CIMAP2: variants seen among roughly 807,000 people sequenced by gnomAD.
The protein encoded by CIMAP2 is ciliary microtubule associated protein 2, also known as ciliary microtubule-associated protein 2.
At chr1:54,839,226 G>A in the CIMAP2 span, among the ~76,000 whole-genome samples, 1 of 152,086 alleles carries the variant, frequency 6.6e-6, no homozygotes, top group Admixed American at 6.5e-5. Flanking sequence ...CATTTTGAGT[G>A]ATGTGTGGGG....
the CIMAP2 span, among the ~76,000 whole-genome samples, chr1:54,840,042 G>A: frequency 4.6e-5 from 7 of 152,270 alleles, no homozygotes; most frequent in African/African-American, 1.4e-4. Flanking sequence ...GAGCCACCAC[G>A]CCCAGCCCAA....
the CIMAP2 span, chr1:54,807,909 C>A: frequency 6.3e-7 from 1 of 1,596,076 alleles, no homozygotes; most frequent in Non-Finnish European, 8.5e-7. Context: ...TGGGCCCCGG[C>A]TCCTACAACC....
At chr1:54,806,160 G>A in the CIMAP2 span, 4 of 1,550,634 alleles carry the variant, frequency 2.6e-6, no homozygotes, top group Non-Finnish European at 3.5e-6. Flanking sequence ...GGCTGGAACC[G>A]CGTCGGCTCC....
chr1:54,813,035 A>G, the CIMAP2 span, among the ~76,000 whole-genome samples: 4 of 152,094 alleles, frequency 2.6e-5, no homozygotes, highest in Non-Finnish European at 4.4e-5. Flanking sequence ...AGACCTCCCC[A>G]TGACCAGCTA....
At chr1:54,821,772 T>G in the CIMAP2 span, among the ~76,000 whole-genome samples, 7 of 152,134 alleles carry the variant, frequency 4.6e-5, no homozygotes, top group Admixed American at 4.6e-4. Flanking sequence ...AATTCACTTC[T>G]CAGTTCTAAG....
chr1:54,837,197 T>C, the CIMAP2 span, among the ~76,000 whole-genome samples: 1 of 152,046 alleles, frequency 6.6e-6, no homozygotes, highest in African/African-American at 2.4e-5. Flanking sequence ...TCCTGTTGCA[T>C]ATTTTGTTCC....
At chr1:54,808,063 G>C in the CIMAP2 span, 3 of 1,476,976 alleles carry the variant, frequency 2.0e-6, no homozygotes, top group Non-Finnish European at 2.7e-6. Flanking sequence ...CATACACTGG[G>C]TGCCCAACAA....
At chr1:54,813,155 A>G in the CIMAP2 span, among the ~76,000 whole-genome samples, 94 of 146,894 alleles carry the variant, frequency 6.4e-4, 1 homozygote, top group African/African-American at 2.3e-3. Context: ...TTTTTTTTTT[A>G]GATCAGTTTC....
the CIMAP2 span, among the ~76,000 whole-genome samples, chr1:54,808,612 C>CGGGGGGGGGGGGGGGG: frequency 1.9e-4 from 13 of 67,320 alleles, 1 homozygote; most frequent in Admixed American, 2.9e-4. Flanking sequence ...CAGGTGCTGC[C>CGGGGGGGGGGGGGGGG]GGGGGAGGGC....
the CIMAP2 span, among the ~76,000 whole-genome samples, chr1:54,837,713 A>C: frequency 6.6e-6 from 1 of 152,126 alleles, no homozygotes; most frequent in Admixed American, 6.5e-5. Context: ...CAAGGGGGAA[A>C]ATGCCACCCC....
the CIMAP2 span, chr1:54,812,259 C>A: frequency 6.3e-7 from 1 of 1,584,802 alleles, no homozygotes; most frequent in African/African-American, 1.3e-5. Context: ...TAGTCAGCAC[C>A]AGGAACACCA....
chr1:54,834,349 A>G, the CIMAP2 span, among the ~76,000 whole-genome samples: 2 of 152,238 alleles, frequency 1.3e-5, no homozygotes, highest in Non-Finnish European at 2.9e-5. Flanking sequence ...ATGAGTCAGT[A>G]CATTAATTAA....
the CIMAP2 span, chr1:54,808,016 G>A: frequency 6.4e-7 from 1 of 1,551,104 alleles, no homozygotes; most frequent in Non-Finnish European, 8.7e-7. Flanking sequence ...ACTGGGGTAG[G>A]TGTTCTCATG....
the CIMAP2 span, chr1:54,811,765 G>GGGGGGGGGGGGGGGGGGGGGGGGCCCCC: frequency 7.7e-7 from 1 of 1,301,332 alleles, no homozygotes. Context: ...GGTTCTGACA[G>GGGGGGGGGGGGGGGGGGGGGGGGCCCCC]CCTCCATGCC....
chr1:54,826,740 G>A, the CIMAP2 span, among the ~76,000 whole-genome samples: 1 of 152,246 alleles, frequency 6.6e-6, no homozygotes, highest in Admixed American at 6.5e-5. Flanking sequence ...TCTCCACACT[G>A]GGGACTTTTT....
At chr1:54,836,813 C>T in the CIMAP2 span, among the ~76,000 whole-genome samples, 13 of 151,812 alleles carry the variant, frequency 8.6e-5, no homozygotes, top group East Asian at 1.9e-4. Context: ...GGCCGAGCAG[C>T]GGGAGGGTGG....
At chr1:54,835,753 A>C in the CIMAP2 span, among the ~76,000 whole-genome samples, 4 of 152,020 alleles carry the variant, frequency 2.6e-5, no homozygotes, top group African/African-American at 7.3e-5. Flanking sequence ...CTTCATGGGG[A>C]GGGCACTCAC....
At chr1:54,828,873 C>A in the CIMAP2 span, among the ~76,000 whole-genome samples, 2 of 152,040 alleles carry the variant, frequency 1.3e-5, no homozygotes, top group African/African-American at 4.8e-5. Context: ...CAGTGATGTA[C>A]ACATCTTAAG....
At chr1:54,810,496 G>T in the CIMAP2 span, among the ~76,000 whole-genome samples, 2 of 152,162 alleles carry the variant, frequency 1.3e-5, no homozygotes, top group Admixed American at 1.3e-4. Context: ...GAGACATGTA[G>T]TTCCATTCCT....
Sources: gnomAD v4.1 joint callset for allele counts (sites outside exome capture counted in the v4.1 genomes callset) on GRCh38, gnomAD v4.1.1 for gene constraint, MANE v1.5 for transcripts, NCBI Gene and HGNC (gene_info 2026-07-23, HGNC 2026-07-21) for gene names.